Variants in PASK observed in about 807,000 individuals in gnomAD.
PASK encodes PAS domain-containing serine/threonine-protein kinase.
Under a neutral mutation model 121.0 loss-of-function variants are expected in PASK, and 110 were observed. The ratio of observed to expected loss-of-function variants is 0.91; its 90% CI spans 0.78 to 1.06. The LOEUF (loss-of-function observed/expected upper bound fraction) is 1.06, where lower values mean the gene tolerates loss of function less well. Among genes scored for constraint, PASK ranks in the 50% least tolerant of loss-of-function variants. The pLI is 0.00. For missense variants in PASK, 1,643 were observed against 1,702.3 expected (o/e 0.97, Z 0.61); for synonymous variants, 686 against 717.8 (o/e 0.96, Z 0.71).
chr2:241,140,441 T>G lies in PASK; in HGVS notation c.429+80A>C, dbSNP rs1424579713. ...TGCCCAAATGTTTTTCTAATTGCAT[T>G]AAAACACACAAATCCCAGGTTTAAG... is the stretch of plus-strand genomic sequence containing the variant. On this transcript the variant is annotated intron_variant, in intron 3 of 17. Coordinates refer to ENST00000234040, the MANE Select transcript of PASK (RefSeq NM_015148.4). The G allele has an allele frequency of 3.7e-6, 4 of 1,085,250 alleles. No individual in the cohort carries two copies. The Admixed American group carries it at 7.9e-5, about 21-fold the overall frequency. The allele number at this position is 1,085,250 out of a possible 1,614,324, so 67.2% of individuals were successfully genotyped here.
intron 12 of PASK, among the ~76,000 whole-genome samples, chr2:241,119,225 C>T (rs3771353): frequency 1.3e-5 from 2 of 152,112 alleles, no homozygotes; most frequent in African/African-American, 2.4e-5. Context: ...TAACGGCGTC[C>T]GTCCATGGCT....
chr2:241,148,909 T>G (rs865981508), intron 1 of PASK, among the ~76,000 whole-genome samples: 1 of 150,872 alleles, frequency 6.6e-6, no homozygotes, highest in African/African-American at 2.4e-5. Context: ...GAAAGAAAAA[T>G]TAGTGAAAAA....
At chr2:241,126,159 G>T (rs766303917) in intron 10 of PASK, 37 bp downstream of exon 10, 6 of 1,600,198 alleles carry the variant, frequency 3.7e-6, no homozygotes, top group Non-Finnish European at 5.1e-6. Flanking sequence ...TGTGCTCTGG[G>T]AGCACCACAC....
intron 1 of PASK, 53 bp from the exon 2 acceptor site, chr2:241,143,127 A>C (rs1359903545): frequency 1.1e-5 from 10 of 939,628 alleles, no homozygotes; most frequent in Admixed American, 7.6e-5. Flanking sequence ...ACACAAAGAC[A>C]GTTTAACCAA....
chr2:241,115,063 C>A lies in PASK; in HGVS notation c.3313G>T (p.Ala1105Ser). ...DRHPRLDEPLASYIFRQLVSA... is the reference protein window; with the variant it reads ...DRHPRLDEPLSSYIFRQLVSA... ...CTCACTTGTCGGAAGATGTAGCTCG[C>A]CAGGGGCTCATCCAGCCTGGGGTGG... Residue 1105 changes from alanine to serine, a missense_variant, in exon 14 of 18, where the codon GCG becomes TCG. Physicochemically the swap from Ala to Ser is moderately conservative, Grantham distance 99. Around this residue, in one of 3 missense-constraint regions of PASK, gnomAD observed 453 missense variants for 511.2 expected, o/e 0.89. Coordinates refer to ENST00000234040, the MANE Select transcript of PASK (RefSeq NM_015148.4). 6.2e-7 allele frequency: 1 copy of A among 1,614,164 alleles called. No individual in the cohort carries two copies.
chr2:241,140,784 C>T, intron 2 of PASK, 31 bp from the exon 3 acceptor site: 2 of 1,430,580 alleles, frequency 1.4e-6, no homozygotes, highest in South Asian at 1.2e-5. Flanking sequence ...AAGCTTTAGA[C>T]TTCACACAGC....
rs1352525096 is a variant in PASK, at chr2:241,126,989, A to C, written c.1926T>G (p.Thr642=). The stretch of plus-strand genomic sequence containing the variant: ...CCACTCCCAGCCACGGCTCATCTAG[A>C]GTAGGTGTCCCAAACGAGAGGCCTG... ...GMAGLSFGTP[T]LDEPWLGVEN... is the part of the protein sequence containing the mutation. The change falls in exon 10 of 18, where the codon ACT becomes ACG. Residue 642 remains threonine (T), a synonymous_variant. Coordinates refer to ENST00000234040, the MANE Select transcript of PASK (RefSeq NM_015148.4). 6.2e-7 allele frequency: 1 copy of C among 1,614,170 alleles called. No individual in the cohort carries two copies. The highest frequency in any genetic ancestry group is 1.1e-5 in the South Asian group (1 of 91,086).
intron 14 of PASK, 30 bp downstream of exon 14, chr2:241,115,013 C>T: frequency 6.2e-7 from 1 of 1,614,016 alleles, no homozygotes; most frequent in Non-Finnish European, 8.5e-7. Context: ...GGCCTGCGTT[C>T]ACACTAACAC....
chr2:241,150,326 C>T (rs1192460313), upstream of PASK: 2 of 1,320,626 alleles, frequency 1.5e-6, no homozygotes, highest in Non-Finnish European at 1.9e-6. Context: ...GCGCGGCGCG[C>T]GGCCTCATGA....
At chr2:241,107,573 T>G in intron 16 of PASK, 74 bp from the exon 17 acceptor site, 3 of 1,441,624 alleles carry the variant, frequency 2.1e-6, no homozygotes, top group Non-Finnish European at 2.9e-6. Flanking sequence ...TCCTGGGTGC[T>G]CACCACCCCC....
At chr2:241,137,321 A>G in intron 6 of PASK, 57 bp from the exon 7 acceptor site, 1 of 1,477,896 alleles carries the variant, frequency 6.8e-7, no homozygotes. Context: ...CAGAGCACTG[A>G]GTCTGTGCTG....
chr2:241,118,888 C>T (rs2065483799), intron 12 of PASK: 5 of 1,014,190 alleles, frequency 4.9e-6, no homozygotes, highest in Non-Finnish European at 6.0e-6. Flanking sequence ...CTCCTGGACC[C>T]GCAGCAGCTG....
chr2:241,116,061 C>A (rs1240189014), intron 12 of PASK, among the ~76,000 whole-genome samples: 1 of 141,904 alleles, frequency 7.0e-6, no homozygotes, highest in Non-Finnish European at 1.5e-5. Context: ...TCCCATTACA[C>A]CAGAGACACC....
intron 9 of PASK, among the ~76,000 whole-genome samples, chr2:241,129,819 G>C (rs2066042610): frequency 6.6e-6 from 1 of 152,194 alleles, no homozygotes. Context: ...CTCAACCCAG[G>C]GCAGCCCCAG....
Position 241,108,413 on chromosome 2 carries a change from T to A in PASK, c.3534-113A>T, listed in dbSNP as rs2064975644. 2.8e-6 allele frequency: 3 copies of A among 1,081,708 alleles called. No individual in the cohort carries two copies. The highest frequency in any genetic ancestry group is 2.8e-6 in the Non-Finnish European group (2 of 720,010). 67.0% of individuals were successfully genotyped at this position (1,081,708 alleles called of 1,614,324 possible). ...ACCAGCACACAGGCCAGGCAGTGGT[T>A]TCCCAAGAGGAGGGTCACTCCACCC... is the stretch of plus-strand genomic sequence containing the variant. On this transcript the variant is annotated intron_variant, in intron 15 of 17. Coordinates refer to ENST00000234040, the MANE Select transcript of PASK (RefSeq NM_015148.4). This position sits in a 1 kb window ranked among gnomAD's most constrained non-coding sequence, Gnocchi z 5.2.
intron 8 of PASK, 36 bp downstream of exon 8, chr2:241,135,835 G>C: frequency 6.3e-7 from 1 of 1,597,546 alleles, no homozygotes; most frequent in Non-Finnish European, 8.6e-7. Context: ...GGGCTCAGCA[G>C]CTACAGGCGC....
In PASK at chr2:241,135,843, C is replaced by A. The variant is rs535161870; in HGVS notation, c.1306+28G>T. 5.0e-6 allele frequency: 8 copies of A among 1,605,382 alleles called. No homozygotes were observed. The East Asian group carries it at 1.1e-4, about 22-fold the overall frequency. On this transcript the variant is annotated intron_variant, in intron 8 of 17. Transcript: ENST00000234040. ...CTGTCTGGGGCTCAGCAGCTACAGG[C>A]GCATTCAGGAGGAAGAGGACGTCTT...
At chr2:241,128,538 G>A (rs954832251) in intron 9 of PASK, among the ~76,000 whole-genome samples, 63 of 152,258 alleles carry the variant, frequency 4.1e-4, no homozygotes, top group Middle Eastern at 3.4e-3. Context: ...CTCACTCGGG[G>A]ACAGACACAC....
chr2:241,140,517 A>C lies in PASK; in HGVS notation c.429+4T>G. 6.3e-7 allele frequency: 1 copy of C among 1,591,038 alleles called. No individual in the cohort carries two copies. The highest frequency in any genetic ancestry group is 1.1e-5 in the South Asian group (1 of 89,934). ...ACAGCTGGATCTAAAAGAGAAGCAA[A>C]TACCTCTGTGGTCTTGGCATCCACC... On this transcript the variant is annotated splice_donor_region_variant and intron_variant, in intron 3 of 17. Coordinates refer to ENST00000234040, the MANE Select transcript of PASK (RefSeq NM_015148.4).
Sources: gnomAD v4.1 joint callset for allele counts (sites outside exome capture counted in the v4.1 genomes callset) on GRCh38, gnomAD v4.1.1 for gene constraint, gnomAD v4.1.1 regional missense constraint, Gnocchi (gnomAD v3.1) non-coding constraint, MANE v1.5 for transcripts, NCBI Gene and HGNC (gene_info 2026-07-23, HGNC 2026-07-21) for gene names.